CARF: variants seen among roughly 807,000 people sequenced by gnomAD.
CARF encodes calcium-responsive transcription factor.
A neutral mutation model predicts 82.0 loss-of-function variants in CARF; 57 were observed. That is an observed-to-expected ratio of 0.70 (90% CI 0.56 to 0.87). The LOEUF (loss-of-function observed/expected upper bound fraction) is 0.87, where lower values mean the gene tolerates loss of function less well. Ranked by LOEUF, CARF falls within the 40% of genes least tolerant of loss-of-function variation. The pLI, the probability that CARF is intolerant of heterozygous loss-of-function variation, is 0.00. For missense variants in CARF, 771 were observed against 855.8 expected, an observed-to-expected ratio of 0.90 and a Z score of 1.24; for synonymous variants, 268 against 290.1, an observed-to-expected ratio of 0.92 and a Z score of 0.77.
intron 2 of CARF, among the ~76,000 whole-genome samples, chr2:202,923,971 C>A (rs1691328718): frequency 6.6e-6 from 1 of 152,188 alleles, no homozygotes. Flanking sequence ...ATACAAAAAT[C>A]AACTCAAGAT....
At chr2:202,921,028 G>A (rs1690695107) in intron 2 of CARF, among the ~76,000 whole-genome samples, 1 of 152,134 alleles carries the variant, frequency 6.6e-6, no homozygotes. Flanking sequence ...TTGAGACGGA[G>A]TCTCACTCTG....
chr2:202,932,370 T>C (rs560923211), intron 3 of CARF, among the ~76,000 whole-genome samples: 1 of 152,214 alleles, frequency 6.6e-6, no homozygotes, highest in African/African-American at 2.4e-5. Context: ...ACCACAGAGC[T>C]AGGGTCTGTG....
chr2:202,967,119 T>C, intron 10 of CARF, 21 bp downstream of exon 10: 1 of 1,608,450 alleles, frequency 6.2e-7, no homozygotes, highest in African/African-American at 1.3e-5. Flanking sequence ...TTTTCTTTTA[T>C]TTGTTTTCTA....
At position 202,974,376 on chromosome 2, in the gene CARF, T is replaced by C. The variant is rs1378234488; in HGVS notation, c.1374T>C (p.Pro458=). The C allele has an allele frequency of 6.2e-7, 1 of 1,609,040 alleles. No individual in the cohort carries two copies. The highest frequency in any genetic ancestry group is 1.7e-4 in the Middle Eastern group (1 of 6,044). The change falls in exon 13 of 17, where the codon CCT becomes CCC. Residue 458 remains proline (P), a synonymous_variant. Coordinates refer to ENST00000438828, the MANE Select transcript of CARF (RefSeq NM_024744.17). ...AACTGTTCAAACCCGATGAGGTACC[T>C]GAAAGACATAATTTATCTTTTTTTC... ...ERELFKPDEV[P]ERHNLSFFPT...
intron 3 of CARF, among the ~76,000 whole-genome samples, chr2:202,936,506 T>C (rs1210997635): frequency 6.6e-6 from 1 of 152,228 alleles, no homozygotes. Context: ...GGATATTTTA[T>C]GTAAATAGAA....
At chr2:202,981,402 G>T (rs2060257911) in intron 14 of CARF, among the ~76,000 whole-genome samples, 153 bp from the exon 15 acceptor site, 1 of 152,062 alleles carries the variant, frequency 6.6e-6, no homozygotes, top group African/African-American at 2.4e-5. Context: ...GTAGGGTCAG[G>T]GACCCTTGGG....
chr2:202,958,961 G>T (rs1222275686), intron 8 of CARF, among the ~76,000 whole-genome samples: 2 of 140,264 alleles, frequency 1.4e-5, no homozygotes, highest in African/African-American at 2.5e-5. Flanking sequence ...TCTGCATTTT[G>T]GTTCAAAATA....
At chr2:202,953,324 C>A (rs1273013508) in intron 6 of CARF, among the ~76,000 whole-genome samples, 1 of 151,792 alleles carries the variant, frequency 6.6e-6, no homozygotes, top group African/African-American at 2.4e-5. Flanking sequence ...CCATTTATAT[C>A]TTTATCAATA....
At chr2:202,962,807 A>G (rs549870329) in intron 9 of CARF, 23 of 152,282 alleles carry the variant, frequency 1.5e-4, no homozygotes, top group African/African-American at 4.8e-4. Flanking sequence ...TAATCATTGT[A>G]TAATATTCCA....
intron 8 of CARF, among the ~76,000 whole-genome samples, chr2:202,958,387 A>G (rs796586701): frequency 1.2e-4 from 18 of 152,128 alleles, no homozygotes; most frequent in African/African-American, 4.3e-4. Context: ...TCATTATTAC[A>G]AGCCTCATGG....
intron 8 of CARF, among the ~76,000 whole-genome samples, chr2:202,960,637 G>A (rs1053607106): frequency 3.9e-5 from 6 of 152,024 alleles, no homozygotes; most frequent in African/African-American, 1.5e-4. Context: ...GTTTTCATTG[G>A]GTTTCTAACA....
chr2:202,948,226 A>T (rs2058590594), intron 5 of CARF, among the ~76,000 whole-genome samples: 1 of 152,226 alleles, frequency 6.6e-6, no homozygotes, highest in Non-Finnish European at 1.5e-5. Flanking sequence ...CTGTTTTCAT[A>T]CCAGTACCAT....
intron 5 of CARF, among the ~76,000 whole-genome samples, chr2:202,949,617 C>G (rs533783317): frequency 4.7e-5 from 7 of 150,420 alleles, no homozygotes; most frequent in African/African-American, 1.7e-4. Context: ...GTTGCGTGAT[C>G]TCAGCTCACT....
intron 1 of CARF, among the ~76,000 whole-genome samples, chr2:202,915,787 T>A (rs1206407469): frequency 6.6e-6 from 1 of 151,628 alleles, no homozygotes; most frequent in Non-Finnish European, 1.5e-5. Context: ...TGTTTTTTTT[T>A]AAGTAGAGAC....
chr2:202,944,301 A>G (rs1446152781), intron 5 of CARF, among the ~76,000 whole-genome samples: 1 of 152,208 alleles, frequency 6.6e-6, no homozygotes, highest in East Asian at 1.9e-4. Flanking sequence ...AACATAAGTA[A>G]TACTGTGAAG....
At chr2:202,939,563 A>T (rs1407955564) in intron 3 of CARF, among the ~76,000 whole-genome samples, 1 of 151,750 alleles carries the variant, frequency 6.6e-6, no homozygotes, top group African/African-American at 2.4e-5. Flanking sequence ...AGTCTTTGTC[A>T]TACATTTTAT....
Position 202,941,847 on chromosome 2 carries a change from T to C in CARF, c.-43-13T>C. 7.1e-7 allele frequency: 1 copy of C among 1,414,838 alleles called. No homozygotes were observed. The highest frequency in any genetic ancestry group is 9.9e-7 in the Non-Finnish European group (1 of 1,005,442). 87.6% of individuals were successfully genotyped at this position (1,414,838 alleles called of 1,614,324 possible). Reference sequence around the variant, plus strand: ...TAAGTGCTTTAGTTGATCAGCTATTTAAACTCTTTCAGCTATTAAATAATA... The same window carrying C: ...TAAGTGCTTTAGTTGATCAGCTATTCAAACTCTTTCAGCTATTAAATAATA... On this transcript the variant is annotated splice_polypyrimidine_tract_variant and intron_variant, in intron 3 of 16. Transcript: ENST00000438828.
At chr2:202,980,320 A>G (rs1290582005) in intron 14 of CARF, among the ~76,000 whole-genome samples, 10 of 152,106 alleles carry the variant, frequency 6.6e-5, no homozygotes, top group East Asian at 1.9e-4. Flanking sequence ...TAAGAATTAC[A>G]TGAGAATGAT....
chr2:202,952,526 T>C (rs370694278), intron 5 of CARF, 33 bp from the exon 6 acceptor site: 1 of 1,605,370 alleles, frequency 6.2e-7, no homozygotes. Context: ...TCTAGGCATA[T>C]GCATTTGATT....
Sources: allele counts gnomAD v4.1 joint callset (sites outside exome capture counted in the v4.1 genomes callset), GRCh38; gene constraint gnomAD v4.1.1; transcripts MANE v1.5; gene names NCBI Gene and HGNC (gene_info 2026-07-23, HGNC 2026-07-21).